The following MROH7 variants were observed in gnomAD, a reference collection of about 807,000 sequenced individuals.
MROH7 encodes the protein maestro heat like repeat family member 7.
MROH7 carries 113 observed loss-of-function variants against 129.2 expected under a neutral mutation model. The ratio of observed to expected loss-of-function variants is 0.87; its 90% CI spans 0.75 to 1.02. The LOEUF (loss-of-function observed/expected upper bound fraction) is 1.02, where lower values mean the gene tolerates loss of function less well. Among genes scored for constraint, MROH7 ranks in the 50% least tolerant of loss-of-function variants. The pLI is 0.00. For synonymous variants in MROH7, 655 were observed against 667.9 expected (o/e 0.98, Z 0.30); for missense variants, 1,601 against 1,671.3 (o/e 0.96, Z 0.73).
rs750183718 is a variant in MROH7, at chr1:54,674,166, A to G, written c.1936+15A>G. ...GCTCCAAAAACGTAAGCCCTATCGG[A>G]GTACTTCTGAAGGAAGTCTTCTGAG... On this transcript the variant is annotated intron_variant, in intron 10 of 23. Transcript: ENST00000421030. 99 of 1,608,618 alleles carry G rather than the reference A, an allele frequency of 6.2e-5. No individual in the cohort carries two copies. The highest frequency in any genetic ancestry group is 8.3e-5 in the Non-Finnish European group (98 of 1,177,812).
intron 19 of MROH7, 139 bp from the exon 20 acceptor site, chr1:54,701,951 A>T: frequency 1.6e-6 from 1 of 640,140 alleles, no homozygotes; most frequent in Non-Finnish European, 2.4e-6. Context: ...GGTGCCTTTT[A>T]GGTTAGTGGG....
At position 54,681,529 on chromosome 1, in the gene MROH7, T is replaced by C. The variant is rs12564042; in HGVS notation, c.2382-1127T>C. Among the ~76,000 whole-genome samples the C allele has an allele frequency of 3.0e-4, 46 of 152,344 alleles. No individual in the cohort carries two copies. In the East Asian group the frequency reaches 6.9e-3, roughly 23 times the overall value. ...GTGGAGTCATTATTACCATAAGTAA[T>C]GTTGCCTAGCAACATAGTTGACATA... On this transcript the variant is annotated intron_variant, in intron 13 of 23. Coordinates refer to ENST00000421030, the MANE Select transcript of MROH7 (RefSeq NM_001039464.4).
At chr1:54,699,410 TCTC>T (rs1645395541) in intron 17 of MROH7, 1 of 152,060 alleles carries the variant, frequency 6.6e-6, no homozygotes. Flanking sequence ...TTCAAGCGAT[TCTC>T]CTGCCTCAGC....
chr1:54,694,488 A>T (rs549638196), intron 16 of MROH7, among the ~76,000 whole-genome samples: 9 of 152,160 alleles, frequency 5.9e-5, no homozygotes, highest in African/African-American at 2.2e-4. Context: ...CTTTTTTGAG[A>T]TGGAGTCTCA....
At chr1:54,671,492 C>T (rs185283201) in intron 7 of MROH7, among the ~76,000 whole-genome samples, 9 of 152,296 alleles carry the variant, frequency 5.9e-5, no homozygotes, top group Non-Finnish European at 1.0e-4. Flanking sequence ...CCAGGGGAAG[C>T]GGCCAGGATT....
At chr1:54,680,695 T>A (rs375234788) in intron 13 of MROH7, among the ~76,000 whole-genome samples, 1 of 152,298 alleles carries the variant, frequency 6.6e-6, no homozygotes, top group East Asian at 1.9e-4. Context: ...GGCCTCAGCC[T>A]CCCACCCAGG....
rs183781507 is a variant in MROH7, at chr1:54,690,686, A to G, written c.2712-1738A>G. Reference sequence around the variant, plus strand: ...TCTCGATCTCCTGACCTCGTGATCCACCCTCCTCGGCCACCCAAAGTGCTG... The same window carrying G: ...TCTCGATCTCCTGACCTCGTGATCCGCCCTCCTCGGCCACCCAAAGTGCTG... On this transcript the variant is annotated intron_variant, in intron 15 of 23. Transcript: ENST00000421030. Among the ~76,000 whole-genome samples, 20 of 152,042 alleles carry G rather than the reference A, an allele frequency of 1.3e-4. No individual in the cohort carries two copies. In the East Asian group the frequency reaches 2.5e-3, roughly 19 times the overall value.
chr1:54,664,403 G>A (rs192111795), intron 3 of MROH7, among the ~76,000 whole-genome samples: 48 of 152,344 alleles, frequency 3.2e-4, no homozygotes, highest in African/African-American at 1.1e-3. Flanking sequence ...GCCTTTCTCA[G>A]GACTGGCAGG....
intron 14 of MROH7, 149 bp from the exon 15 acceptor site, chr1:54,686,109 T>G: frequency 4.8e-6 from 3 of 619,852 alleles, no homozygotes; most frequent in South Asian, 2.5e-5. Flanking sequence ...GGTTTGGGGC[T>G]GGGGGGTGGG....
At position 54,670,975 on chromosome 1, in the gene MROH7, C is replaced by T. The variant is rs757997379; in HGVS notation, c.1599+46C>T. 8 of 1,544,202 alleles carry T rather than the reference C, an allele frequency of 5.2e-6. No individual in the cohort carries two copies. In the East Asian group the frequency reaches 1.9e-4, roughly 37 times the overall value. ...CAGGGCCTCAGGGCTGGCCCATGTTCTGGGAGGAGATATGGAGCTGCATCC... is the reference window on the plus strand; with the variant it reads ...CAGGGCCTCAGGGCTGGCCCATGTTTTGGGAGGAGATATGGAGCTGCATCC... On this transcript the variant is annotated intron_variant, in intron 7 of 23. Transcript: ENST00000421030.
chr1:54,664,689 AG>A (rs1644784157), intron 3 of MROH7, among the ~76,000 whole-genome samples: 1 of 152,140 alleles, frequency 6.6e-6, no homozygotes, highest in African/African-American at 2.4e-5. Context: ...GATTTTAGGG[AG>A]GGGGTGACAT....
At chr1:54,655,661 G>A (rs923015765) in intron 3 of MROH7, among the ~76,000 whole-genome samples, 4 of 151,838 alleles carry the variant, frequency 2.6e-5, no homozygotes, top group Admixed American at 6.6e-5. Context: ...ACTACTACAG[G>A]CATGTTCCAC....
Position 54,673,681 on chromosome 1 carries a change from TC to T in MROH7, c.1696-19del, listed in dbSNP as rs757255811. 46 of 1,590,256 alleles carry T rather than the reference TC, an allele frequency of 2.9e-5. No individual in the cohort carries two copies. The highest frequency in any genetic ancestry group is 3.9e-5 in the Non-Finnish European group (45 of 1,158,590). The stretch of plus-strand genomic sequence containing the variant: ...CTGTCATCTAACCTGTAGTTCTGAG[TC>T]TTGCTTTTGATCCCACAGGCCCTGG... On this transcript the variant is annotated intron_variant, in intron 8 of 23. Transcript: ENST00000421030.
intron 3 of MROH7, among the ~76,000 whole-genome samples, chr1:54,661,042 G>A (rs1411286561): frequency 2.0e-5 from 3 of 150,060 alleles, no homozygotes; most frequent in Non-Finnish European, 3.0e-5. Context: ...AGAAGGGAAC[G>A]GCATGTACAT....
intron 3 of MROH7, chr1:54,663,761 G>T (rs900994566): frequency 2.2e-6 from 1 of 451,442 alleles, no homozygotes; most frequent in African/African-American, 2.0e-5. Flanking sequence ...TCATTCAGGT[G>T]TCTCAGGTTC....
intron 17 of MROH7, chr1:54,695,794 A>G (rs1645313073): frequency 2.5e-6 from 1 of 400,932 alleles, no homozygotes; most frequent in Non-Finnish European, 4.8e-6. Context: ...CCTGCCCTCA[A>G]GGAATTTTTG....
intron 3 of MROH7, among the ~76,000 whole-genome samples, chr1:54,657,448 A>C (rs990801027): frequency 6.6e-6 from 1 of 152,204 alleles, no homozygotes; most frequent in Non-Finnish European, 1.5e-5. Flanking sequence ...GAGCGATGAT[A>C]GCTCACTGCA....
At chr1:54,656,642 G>A (rs903912438) in intron 3 of MROH7, among the ~76,000 whole-genome samples, 1 of 151,874 alleles carries the variant, frequency 6.6e-6, no homozygotes, top group African/African-American at 2.4e-5. Flanking sequence ...GGCCAACATG[G>A]TGAAACCCTG....
At chr1:54,673,518 A>G (rs1201660166) in intron 8 of MROH7, among the ~76,000 whole-genome samples, 183 bp from the exon 9 acceptor site, 3 of 151,898 alleles carry the variant, frequency 2.0e-5, no homozygotes, top group African/African-American at 4.8e-5. Flanking sequence ...CTTCTTCCCT[A>G]TAGTCTGTCA....
Sources: gnomAD v4.1 joint callset for allele counts (sites outside exome capture counted in the v4.1 genomes callset) on GRCh38, gnomAD v4.1.1 for gene constraint, MANE v1.5 for transcripts, NCBI Gene and HGNC (gene_info 2026-07-23, HGNC 2026-07-21) for gene names.